USP3: variants seen among roughly 807,000 people sequenced by gnomAD.
USP3 encodes ubiquitin carboxyl-terminal hydrolase 3.
Under a neutral mutation model 72.3 loss-of-function variants are expected in USP3, and 20 were observed. That is an observed-to-expected ratio of 0.28 (90% confidence interval 0.19 to 0.40). USP3 has a LOEUF of 0.40. Among genes scored for constraint, USP3 ranks in the 10% least tolerant of loss-of-function variants. The pLI is 1.00. For missense variants in USP3, 479 were observed against 633.9 expected (o/e 0.76, Z 2.62); for synonymous variants, 222 against 225.3 (o/e 0.99, Z 0.13).
Position 63,588,433 on chromosome 15 carries a change from G to T in USP3, c.1215+10G>T. 1.3e-6 allele frequency: 2 copies of T among 1,576,828 alleles called. No individual in the cohort carries two copies. Among genetic ancestry groups the T allele is most frequent in the South Asian group, 1.2e-5 (1 of 86,362 alleles). On this transcript the variant is annotated intron_variant, in intron 12 of 14. Coordinates refer to ENST00000380324, the MANE Select transcript of USP3 (RefSeq NM_006537.4). The surrounding 1 kb of genome is among the most constrained non-coding windows in gnomAD (Gnocchi z 4.6). ...TCAAAAACTACCCAAGGTGAGTGTT[G>T]AATTTTGAGTTATGAAGCAATTTCA...
At position 63,574,250 on chromosome 15, in the gene USP3, C is replaced by A; in HGVS notation, c.1016-73C>A. Reference sequence around the variant, plus strand: ...TGTAAAGAGAAATCTAGAAATACATCAGTTTGTGAAATTATTTTGAATGGA... The same window carrying A: ...TGTAAAGAGAAATCTAGAAATACATAAGTTTGTGAAATTATTTTGAATGGA... On this transcript the variant is annotated intron_variant, in intron 10 of 14. Coordinates refer to ENST00000380324, the MANE Select transcript of USP3 (RefSeq NM_006537.4). The surrounding 1 kb of genome is among the most constrained non-coding windows in gnomAD (Gnocchi z 4.6). The A allele has an allele frequency of 1.4e-6, 2 of 1,430,400 alleles. No homozygotes were observed. Among genetic ancestry groups the A allele is most frequent in the Non-Finnish European group, 1.9e-6 (2 of 1,069,712 alleles). 88.6% of individuals were successfully genotyped at this position (1,430,400 alleles called of 1,614,324 possible).
At chr15:63,567,723 C>G (rs1195729922) in intron 8 of USP3, among the ~76,000 whole-genome samples, 5 of 151,370 alleles carry the variant, frequency 3.3e-5, no homozygotes, top group Admixed American at 2.6e-4. Flanking sequence ...TCAGGTGATC[C>G]GTCTGCCTCA....
chr15:63,507,816 A>G (rs531453534), intron 1 of USP3, among the ~76,000 whole-genome samples: 61 of 152,300 alleles, frequency 4.0e-4, no homozygotes, highest in African/African-American at 1.4e-3. Context: ...TGTAGCTTAT[A>G]TCTGTTGATG....
chr15:63,582,845 C>T (rs938297446), intron 11 of USP3, among the ~76,000 whole-genome samples: 6 of 152,202 alleles, frequency 3.9e-5, no homozygotes, highest in African/African-American at 1.4e-4. Context: ...AGGGGCTTTG[C>T]CTGGCAGGTA....
At chr15:63,547,898 C>CATAGAGAGAGGG in intron 3 of USP3, among the ~76,000 whole-genome samples, 1 of 65,014 alleles carries the variant, frequency 1.5e-5, no homozygotes, top group Non-Finnish European at 3.6e-5. Context: ...GAGAGAGAGG[C>CATAGAGAGAGGG]ATAGAGAGAG....
intron 9 of USP3, among the ~76,000 whole-genome samples, chr15:63,572,348 CAGTT>C (rs1329711730): frequency 6.6e-6 from 1 of 151,364 alleles, no homozygotes; most frequent in Non-Finnish European, 1.5e-5. Flanking sequence ...ATGAAAGGGT[CAGTT>C]AGAGTCCCTT....
At chr15:63,572,057 A>T (rs2066786992) in intron 9 of USP3, among the ~76,000 whole-genome samples, 1 of 152,234 alleles carries the variant, frequency 6.6e-6, no homozygotes, top group South Asian at 2.1e-4. Context: ...GCACATAGGA[A>T]ATCATTAGTG....
chr15:63,535,087 A>G (rs942364674), intron 2 of USP3, among the ~76,000 whole-genome samples: 5 of 152,024 alleles, frequency 3.3e-5, no homozygotes, highest in African/African-American at 1.2e-4. Flanking sequence ...TGTGCCACCA[A>G]CCATGGCTAA....
chr15:63,513,656 T>C lies in USP3; in HGVS notation c.91+8826T>C, dbSNP rs992762018. Among the ~76,000 whole-genome samples, 8 of 152,356 alleles carry C rather than the reference T, an allele frequency of 5.3e-5. No individual in the cohort carries two copies. The East Asian group carries it at 5.8e-4, about 11-fold the overall frequency. ...TCCCAAAGTGCTGGGATTACAGATA[T>C]GAGCCACCAGTCTGGGTGGGTTTTC... On this transcript the variant is annotated intron_variant, in intron 1 of 14. Coordinates refer to ENST00000380324, the MANE Select transcript of USP3 (RefSeq NM_006537.4).
intron 1 of USP3, chr15:63,530,574 A>G (rs1227383903): frequency 1.9e-5 from 8 of 414,660 alleles, no homozygotes; most frequent in Middle Eastern, 6.8e-4. Flanking sequence ...CGGCCTCCCA[A>G]AGTGTTGGGA....
chr15:63,520,236 A>C (rs1356117849), intron 1 of USP3, among the ~76,000 whole-genome samples: 1 of 152,216 alleles, frequency 6.6e-6, no homozygotes, highest in African/African-American at 2.4e-5. Context: ...CAACACCACA[A>C]GCCTAGTCTT....
At chr15:63,546,619 A>C (rs1328708336) in intron 3 of USP3, among the ~76,000 whole-genome samples, 1 of 151,998 alleles carries the variant, frequency 6.6e-6, no homozygotes, top group African/African-American at 2.4e-5. Flanking sequence ...ATTTTTTGTG[A>C]GATGGAGTCT....
Position 63,590,884 on chromosome 15 carries a change from C to CAAAT in USP3, c.*60_*63dup, listed in dbSNP as rs374557745. The CAAAT allele has an allele frequency of 7.3e-6, 11 of 1,502,874 alleles. No homozygotes were observed. The African/African-American group carries it at 9.9e-5, about 13-fold the overall frequency. 93.1% of individuals were successfully genotyped at this position (1,502,874 alleles called of 1,614,324 possible). A position where few individuals can be genotyped will look rare whatever the true frequency, so the allele number is the denominator to read the frequency against. On this transcript the variant is annotated 3_prime_UTR_variant, in exon 15 of 15. Transcript: ENST00000380324. Reference sequence around the variant, plus strand: ...CCAGAGAAACATTTCCAGTTTTCCACAAATACTTGATACAAGATTTAATTT... The same window carrying CAAAT: ...CCAGAGAAACATTTCCAGTTTTCCACAAATAAATACTTGATACAAGATTTAATTT...
chr15:63,513,241 A>C (rs544086365), intron 1 of USP3, among the ~76,000 whole-genome samples: 1 of 152,358 alleles, frequency 6.6e-6, no homozygotes, highest in African/African-American at 2.4e-5. Flanking sequence ...GTACTGCCTC[A>C]TCACCAGAAA....
At chr15:63,585,538 T>G (rs1230750601) in intron 11 of USP3, among the ~76,000 whole-genome samples, 1 of 152,196 alleles carries the variant, frequency 6.6e-6, no homozygotes, top group Admixed American at 6.5e-5. Flanking sequence ...TGTATAGAAA[T>G]GCAGCTAATT....
rs34080979 is a variant in USP3, at chr15:63,570,522, C to G, written c.851C>G (p.Ser284Cys). The G allele has an allele frequency of 6.2e-7, 1 of 1,614,174 alleles. No homozygotes were observed. The highest frequency in any genetic ancestry group is 1.1e-5 in the South Asian group (1 of 91,084). ...CTTCAGGGCGGTTTCAACGGTGTTT[C>G]CCGCTCAGCAATTCTGCAGGAGAAT... is the stretch of plus-strand genomic sequence containing the variant. The part of the protein sequence containing the change: ...LELQGGFNGV[S>C]RSAILQENST... Residue 284 changes from serine (S) to cysteine (C), a missense_variant, in exon 9 of 15, where the codon TCC becomes TGC. Physicochemically the swap from Ser to Cys is moderately radical, Grantham distance 112. Coordinates refer to ENST00000380324, the MANE Select transcript of USP3 (RefSeq NM_006537.4). The surrounding 1 kb of genome is among the most constrained non-coding windows in gnomAD (Gnocchi z 4.4).
At chr15:63,524,480 A>G (rs1449272901) in intron 1 of USP3, among the ~76,000 whole-genome samples, 2 of 152,134 alleles carry the variant, frequency 1.3e-5, no homozygotes, top group Non-Finnish European at 2.9e-5. Flanking sequence ...CAACCATTTC[A>G]TTTTGCTTAT....
At chr15:63,519,194 A>G (rs1460478141) in intron 1 of USP3, among the ~76,000 whole-genome samples, 2 of 152,178 alleles carry the variant, frequency 1.3e-5, no homozygotes, top group Admixed American at 6.5e-5. Flanking sequence ...CTTCATAGCT[A>G]TTACTCCTTT....
chr15:63,542,572 A>G (rs113722928), intron 3 of USP3, among the ~76,000 whole-genome samples: 5,018 of 152,172 alleles, frequency 0.033, 105 homozygotes, highest in Middle Eastern at 0.099. Flanking sequence ...CCTGAGTTCT[A>G]TGAACATATT....
Sources: allele counts gnomAD v4.1 joint callset (sites outside exome capture counted in the v4.1 genomes callset), GRCh38; gene constraint gnomAD v4.1.1; non-coding constraint Gnocchi (gnomAD v3.1); transcripts MANE v1.5; gene names NCBI Gene and HGNC (gene_info 2026-07-23, HGNC 2026-07-21).